Variants in AKR1C1 observed in about 807,000 individuals in gnomAD.
The protein encoded by AKR1C1 is aldo-keto reductase family 1 member C1.
In AKR1C1, 32 loss-of-function variants were observed where a neutral mutation model predicts 40.6. The observed-to-expected ratio is 0.79, with a 90% CI of 0.60 to 1.06. The LOEUF (loss-of-function observed/expected upper bound fraction) is 1.06, where lower values mean the gene tolerates loss of function less well. Among genes scored for constraint, AKR1C1 ranks in the 50% least tolerant of loss-of-function variants. The pLI, the probability that AKR1C1 is intolerant of heterozygous loss-of-function variation, is 0.00. For synonymous variants in AKR1C1, 105 were observed against 134.2 expected, an observed-to-expected ratio of 0.78 and a Z score of 1.50; for missense variants, 320 against 363.5, an observed-to-expected ratio of 0.88 and a Z score of 0.97.
At chr10:4,973,553 C>G (rs1303069944) in intron 7 of AKR1C1, among the ~76,000 whole-genome samples, 3 of 152,182 alleles carry the variant, frequency 2.0e-5, no homozygotes, top group African/African-American at 7.2e-5. Context: ...CAGGTCTAGG[C>G]TCAGAGCTGC....
At chr10:4,968,987 C>T in intron 5 of AKR1C1, 43 bp downstream of exon 5, 1 of 1,613,762 alleles carries the variant, frequency 6.2e-7, no homozygotes, top group Non-Finnish European at 8.5e-7. Context: ...CTTCATGCCC[C>T]TCTTTCTGTC....
intron 2 of AKR1C1, 64 bp from the exon 3 acceptor site, chr10:4,966,863 G>A (rs1422079940): frequency 7.7e-6 from 11 of 1,435,776 alleles, no homozygotes; most frequent in Middle Eastern, 1.8e-4. Context: ...AATATTAGGT[G>A]GAGCAAACTA....
rs1836603124 is a variant in AKR1C1, at chr10:4,980,787, C to G, written c.*3045C>G. The G allele has an allele frequency of 6.6e-6, 1 of 152,072 alleles. No individual in the cohort carries two copies. Among genetic ancestry groups the G allele is most frequent in the Admixed American group, 6.6e-5 (1 of 15,264 alleles). The allele number at this position is 152,072 out of a possible 1,614,324, so 9.4% of individuals were successfully genotyped here. ...CCAGGAGGGTTGAATTCACTTCTTTCAAACTCCTGTTCAAGTAAATGTTTT... is the reference window on the plus strand; with the variant it reads ...CCAGGAGGGTTGAATTCACTTCTTTGAAACTCCTGTTCAAGTAAATGTTTT... On this transcript the variant is annotated 3_prime_UTR_variant, in exon 9 of 9. Coordinates refer to ENST00000380872, the MANE Select transcript of AKR1C1 (RefSeq NM_001353.6).
chr10:4,966,334 A>T (rs188688701), intron 2 of AKR1C1, among the ~76,000 whole-genome samples: 1 of 152,372 alleles, frequency 6.6e-6, no homozygotes, highest in East Asian at 1.9e-4. Flanking sequence ...ATGGTTTAAC[A>T]TAGACTATAG....
At chr10:4,965,749 A>G (rs1836320621) in intron 1 of AKR1C1, 165 bp from the exon 2 acceptor site, 1 of 749,560 alleles carries the variant, frequency 1.3e-6, no homozygotes, top group South Asian at 2.5e-5. Flanking sequence ...AACCTTTATT[A>G]CTAACTGGGA....
In AKR1C1 at chr10:4,963,465, T is replaced by C. The variant is rs1564313942; in HGVS notation, c.21T>C (p.Cys7=). 1.2e-6 allele frequency: 2 copies of C among 1,613,986 alleles called. No individual in the cohort carries two copies. Among genetic ancestry groups the C allele is most frequent in the Admixed American group, 1.7e-5 (1 of 60,012 alleles). The change falls in exon 1 of 9, where the codon TGT becomes TGC. Residue 7 remains cysteine (C), a synonymous_variant. Transcript: ENST00000380872. MDSKYQ[C]VKLNDGHFMP... ...CAGAAATGGATTCGAAATATCAGTG[T>C]GTGAAGCTGAATGATGGTCACTTCA...
chr10:4,969,557 CAGCAGAACATGG>C, intron 5 of AKR1C1: 5 of 1,091,218 alleles, frequency 4.6e-6, no homozygotes, highest in Non-Finnish European at 4.1e-6. Flanking sequence ...GAGGAAGGTT[CAGCAGAACATGG>C]AGCTGACCTA....
At chr10:4,969,807 T>G (rs1836395480) in intron 5 of AKR1C1, 4 of 1,512,026 alleles carry the variant, frequency 2.6e-6, no homozygotes, top group African/African-American at 1.4e-5. Context: ...AAATTACATT[T>G]TTTTGTTTTA....
At chr10:4,967,239 G>T in intron 3 of AKR1C1, 196 bp downstream of exon 3, 1 of 1,017,182 alleles carries the variant, frequency 9.8e-7, no homozygotes, top group Non-Finnish European at 1.4e-6. Flanking sequence ...ATGTCTATAA[G>T]AAAAGAAAGT....
chr10:4,969,816 T>C (rs1013810307), intron 5 of AKR1C1: 1 of 1,458,010 alleles, frequency 6.9e-7, no homozygotes, highest in Non-Finnish European at 9.3e-7. Flanking sequence ...TTTTTTGTTT[T>C]ATTTTATGTT....
At position 4,968,886 on chromosome 10, in the gene AKR1C1, G is replaced by T; in HGVS notation, c.512G>T (p.Arg171Met). The T allele has an allele frequency of 6.2e-7, 1 of 1,614,168 alleles. No homozygotes were observed. The highest frequency in any genetic ancestry group is 8.5e-7 in the Non-Finnish European group (1 of 1,180,032). The change falls in exon 5 of 9, where the codon AGG (arginine) becomes ATG (methionine). Residue 171 changes from arginine to methionine, a missense_variant. By Grantham distance (91) the Arg-to-Met change is moderately conservative. Transcript: ENST00000380872. Reference protein sequence around the residue: ...KSIGVSNFNRRQLEMILNKPG... With the variant: ...KSIGVSNFNRMQLEMILNKPG... ...ATCGGGGTGTCCAACTTCAACCGCA[G>T]GCAGCTGGAGATGATCCTCAACAAG...
chr10:4,972,189 G>A lies in AKR1C1; in HGVS notation c.571-12G>A, dbSNP rs782042757. The A allele has an allele frequency of 1.9e-6, 3 of 1,613,288 alleles. No homozygotes were observed. The highest frequency in any genetic ancestry group is 2.5e-6 in the Non-Finnish European group (3 of 1,179,840). ...GGATTATCTGATGCTTTTCCATCTTGCTCGTCTGCAGGTGGAATGTCATCC... is the reference window on the plus strand; with the variant it reads ...GGATTATCTGATGCTTTTCCATCTTACTCGTCTGCAGGTGGAATGTCATCC... On this transcript the variant is annotated splice_polypyrimidine_tract_variant and intron_variant, in intron 5 of 8. Transcript: ENST00000380872.
intron 5 of AKR1C1, chr10:4,969,841 C>A: frequency 8.5e-7 from 1 of 1,181,486 alleles, no homozygotes; most frequent in Non-Finnish European, 1.2e-6. Flanking sequence ...AACTTAGAGT[C>A]AATCAGTGAA....
rs545782305 is a variant in AKR1C1, at chr10:4,979,209, A to G, written c.*1467A>G. On this transcript the variant is annotated 3_prime_UTR_variant, in exon 9 of 9. Transcript: ENST00000380872. ...TAGGCCATAAACTTTGGAGGGCCCT[A>G]GACCAATTTTTTGGATTATTTTTCG... 1 of 152,310 alleles carries G rather than the reference A, an allele frequency of 6.6e-6. No homozygotes were observed. The highest frequency in any genetic ancestry group is 1.9e-4 in the East Asian group (1 of 5,190). 9.4% of individuals were successfully genotyped at this position (152,310 alleles called of 1,614,324 possible).
chr10:4,977,284 G>T lies in AKR1C1; in HGVS notation c.930-416G>T, dbSNP rs565943928. Among the ~76,000 whole-genome samples the T allele has an allele frequency of 1.6e-4, 25 of 152,270 alleles. 1 individual carries two copies. Among genetic ancestry groups the T allele is most frequent in the South Asian group, 6.2e-4 (3 of 4,818 alleles). On this transcript the variant is annotated intron_variant, in intron 8 of 8. Transcript: ENST00000380872. Reference sequence around the variant, plus strand: ...ATATGTAAAGTAATTAAGTATAATTGCTACCAGTATAATCATCACACTCAA... The same window carrying T: ...ATATGTAAAGTAATTAAGTATAATTTCTACCAGTATAATCATCACACTCAA...
chr10:4,977,892 C>A lies in AKR1C1; in HGVS notation c.*150C>A. Reference sequence around the variant, plus strand: ...GCAAGCTACAGCAAAGCCCATTGGCCAGAAAGGAAAGACAATAATTTTGTT... The same window carrying A: ...GCAAGCTACAGCAAAGCCCATTGGCAAGAAAGGAAAGACAATAATTTTGTT... On this transcript the variant is annotated 3_prime_UTR_variant, in exon 9 of 9. Coordinates refer to ENST00000380872, the MANE Select transcript of AKR1C1 (RefSeq NM_001353.6). 1 of 1,194,356 alleles carries A rather than the reference C, an allele frequency of 8.4e-7. No homozygotes were observed. The highest frequency in any genetic ancestry group is 1.2e-6 in the Non-Finnish European group (1 of 854,740). The allele number at this position is 1,194,356 out of a possible 1,614,324, so 74.0% of individuals were successfully genotyped here. A position where few individuals can be genotyped will look rare whatever the true frequency, so the allele number is the denominator to read the frequency against.
intron 7 of AKR1C1, among the ~76,000 whole-genome samples, chr10:4,974,070 T>TA (rs1175811360): frequency 1.3e-5 from 2 of 151,430 alleles, no homozygotes; most frequent in Non-Finnish European, 3.0e-5. Flanking sequence ...AGAAAGAAAG[T>TA]AAAAAATGAC....
rs782121448 is a variant in AKR1C1, at chr10:4,972,617, C to A, written c.714C>A (p.Asp238Glu). The A allele has an allele frequency of 4.3e-6, 7 of 1,613,694 alleles. No homozygotes were observed. Among genetic ancestry groups the A allele is most frequent in the Non-Finnish European group, 5.9e-6 (7 of 1,180,034 alleles). ...CGAACTCCCCGGTGCTCTTGGAGGA[C>A]CCAGTCCTTTGTGCCTTGGCAAAAA... ...VDPNSPVLLE[D>E]PVLCALAKKH... The change falls in exon 7 of 9, where the codon GAC becomes GAA. Residue 238 changes from aspartate (D) to glutamate (E), a missense_variant. Physicochemically the swap from Asp to Glu is conservative, Grantham distance 45 (BLOSUM62 2). Coordinates refer to ENST00000380872, the MANE Select transcript of AKR1C1 (RefSeq NM_001353.6).
intron 6 of AKR1C1, 57 bp from the exon 7 acceptor site, chr10:4,972,527 G>C (rs1373517446): frequency 6.2e-7 from 1 of 1,610,522 alleles, no homozygotes; most frequent in African/African-American, 1.3e-5. Flanking sequence ...TTAGGGAGCC[G>C]CCTAACAAAC....
Sources: allele counts gnomAD v4.1 joint callset (sites outside exome capture counted in the v4.1 genomes callset), GRCh38; gene constraint gnomAD v4.1.1; transcripts MANE v1.5; gene names NCBI Gene and HGNC (gene_info 2026-07-23, HGNC 2026-07-21).